The following ENPP2 variants were observed in gnomAD, a reference collection of about 807,000 sequenced individuals.
The protein encoded by ENPP2 is ectonucleotide pyrophosphatase/phosphodiesterase 2.
In ENPP2, 51 loss-of-function variants were observed where a neutral mutation model predicts 120.2. The observed-to-expected ratio is 0.42, with a 90% CI of 0.34 to 0.54. The LOEUF (loss-of-function observed/expected upper bound fraction) is 0.54, where lower values mean the gene tolerates loss of function less well. ENPP2 is among the 20% of genes least tolerant of loss of function. The probability of loss-of-function intolerance (pLI) is 0.04; values close to 1 mark genes in which losing one functional copy is unlikely to be tolerated. For synonymous variants in ENPP2, 365 were observed against 366.4 expected, an observed-to-expected ratio of 1.00 and a Z score of 0.04; for missense variants, 920 against 1,066.5, an observed-to-expected ratio of 0.86 and a Z score of 1.91.
intron 13 of ENPP2, among the ~76,000 whole-genome samples, chr8:119,589,047 T>C (rs1356204306): frequency 6.6e-6 from 1 of 152,230 alleles, no homozygotes; most frequent in Non-Finnish European, 1.5e-5. Flanking sequence ...CACAATGCTA[T>C]TAAAAGGATT....
exon 1 of ENPP2, chr8:119,673,381 T>G: frequency 7.9e-7 from 1 of 1,261,024 alleles, no homozygotes; most frequent in Non-Finnish European, 1.1e-6. Flanking sequence ...GGACTGCTCT[T>G]GTTTGCACTG....
intron 2 of ENPP2, among the ~76,000 whole-genome samples, chr8:119,637,347 C>T (rs900481821): frequency 2.0e-5 from 3 of 152,106 alleles, no homozygotes; most frequent in African/African-American, 4.8e-5. Context: ...CTCTTAACCC[C>T]GCCACACCCC....
chr8:119,659,886 G>T (rs1817873120), intron 1 of ENPP2, among the ~76,000 whole-genome samples: 1 of 152,144 alleles, frequency 6.6e-6, no homozygotes, highest in Admixed American at 6.5e-5. Context: ...CACTGGGAAT[G>T]GATATTGGGA....
At chr8:119,627,101 C>T (rs971366756) in intron 2 of ENPP2, among the ~76,000 whole-genome samples, 1 of 151,724 alleles carries the variant, frequency 6.6e-6, no homozygotes, top group Admixed American at 6.6e-5. Context: ...TAACGATGAC[C>T]ACAGAGAACA....
chr8:119,611,119 T>A (rs1426259857), intron 8 of ENPP2, among the ~76,000 whole-genome samples: 1 of 152,152 alleles, frequency 6.6e-6, no homozygotes, highest in Non-Finnish European at 1.5e-5. Flanking sequence ...CAAAAAGGCT[T>A]CCTCCACAGG....
intron 16 of ENPP2, 68 bp downstream of exon 16, chr8:119,583,894 A>G (rs1341406436): frequency 1.4e-6 from 2 of 1,385,184 alleles, no homozygotes; most frequent in Non-Finnish European, 2.1e-6. Flanking sequence ...CTTCACTCAC[A>G]CCACCATTAC....
At chr8:119,644,086 C>T (rs1817360130) in intron 1 of ENPP2, among the ~76,000 whole-genome samples, 1 of 152,034 alleles carries the variant, frequency 6.6e-6, no homozygotes, top group African/African-American at 2.4e-5. Flanking sequence ...CCTCCGAGGT[C>T]ATGTTAGGTG....
intron 8 of ENPP2, among the ~76,000 whole-genome samples, chr8:119,610,490 A>AG (rs1815018480): frequency 1.4e-5 from 2 of 148,050 alleles, no homozygotes; most frequent in African/African-American, 5.0e-5. Context: ...AAGGTTATAA[A>AG]AGAGAGAGAG....
At chr8:119,646,740 C>T (rs1817479818) in intron 1 of ENPP2, among the ~76,000 whole-genome samples, 1 of 152,164 alleles carries the variant, frequency 6.6e-6, no homozygotes, top group Non-Finnish European at 1.5e-5. Context: ...GAATAGTGTT[C>T]ATAAATGTTA....
At chr8:119,615,087 A>G (rs929309543) in intron 8 of ENPP2, among the ~76,000 whole-genome samples, 4 of 152,096 alleles carry the variant, frequency 2.6e-5, no homozygotes, top group African/African-American at 9.7e-5. Context: ...TTAAGAAAAA[A>G]TTTCTATTTA....
rs1373140607 is a variant in ENPP2, at chr8:119,557,588, G to A, written c.2525C>T (p.Thr842Ile). The A allele has an allele frequency of 6.2e-7, 1 of 1,613,066 alleles. No individual in the cohort carries two copies. ...CAGGATTTCTGGGTAGCTGCGGCTG[G>A]TCTTTCGGAAGAAGTCCAGGCTGGT... Reference protein sequence around the residue: ...HLTSLDFFRKTSRSYPEILTL... With the variant: ...HLTSLDFFRKISRSYPEILTL... Residue 842 changes from threonine to isoleucine, a missense_variant, in exon 25 of 25, where the codon ACC (threonine) becomes ATC (isoleucine). Transcript: ENST00000075322.
At chr8:119,665,392 G>A (rs1428084218) in intron 1 of ENPP2, among the ~76,000 whole-genome samples, 1 of 152,190 alleles carries the variant, frequency 6.6e-6, no homozygotes, top group Non-Finnish European at 1.5e-5. Flanking sequence ...TTGGAATAAG[G>A]TTTCAAGTCT....
At chr8:119,616,487 T>C (rs1326871308) in intron 7 of ENPP2, 103 bp from the exon 8 acceptor site, 3 of 729,744 alleles carry the variant, frequency 4.1e-6, no homozygotes, top group African/African-American at 3.5e-5. Flanking sequence ...ATAGCAATAC[T>C]TAATTTCCAA....
chr8:119,558,712 C>G (rs771492143), intron 24 of ENPP2, among the ~76,000 whole-genome samples: 2 of 151,326 alleles, frequency 1.3e-5, no homozygotes, highest in Admixed American at 6.6e-5. Context: ...CATTAGTAGA[C>G]ATTGAGCAGG....
At chr8:119,664,003 A>G (rs763387260) in intron 1 of ENPP2, among the ~76,000 whole-genome samples, 14 of 152,204 alleles carry the variant, frequency 9.2e-5, no homozygotes, top group Non-Finnish European at 1.9e-4. Context: ...TCCTAAGTGG[A>G]GACGAAATTT....
chr8:119,656,218 C>G (rs1432332087), intron 1 of ENPP2, among the ~76,000 whole-genome samples: 1 of 152,142 alleles, frequency 6.6e-6, no homozygotes, highest in Non-Finnish European at 1.5e-5. Context: ...ATTTCCCTTT[C>G]CTCCTAAGAA....
chr8:119,587,462 G>A (rs1385658510), intron 13 of ENPP2, among the ~76,000 whole-genome samples: 1 of 152,160 alleles, frequency 6.6e-6, no homozygotes, highest in Non-Finnish European at 1.5e-5. Context: ...GGCTTTTAAT[G>A]TAACTTCTTA....
chr8:119,644,623 T>TATATATACAC (rs1563768976), intron 1 of ENPP2, among the ~76,000 whole-genome samples: 1 of 97,250 alleles, frequency 1.0e-5, no homozygotes, highest in African/African-American at 4.1e-5. Context: ...TATATATATA[T>TATATATACAC]ATACACACAC....
At chr8:119,592,473 CA>C (rs61330053) in intron 12 of ENPP2, among the ~76,000 whole-genome samples, 18,111 of 56,004 alleles carry the variant, frequency 0.32, 589 homozygotes, top group South Asian at 0.45. Flanking sequence ...AACTCCACCT[CA>C]AAAAAAAAAA....
Sources: gnomAD v4.1 joint callset for allele counts (sites outside exome capture counted in the v4.1 genomes callset) on GRCh38, gnomAD v4.1.1 for gene constraint, MANE v1.5 for transcripts, NCBI Gene and HGNC (gene_info 2026-07-23, HGNC 2026-07-21) for gene names.